The following DOCK11 variants were observed in gnomAD, a reference collection of about 807,000 sequenced individuals.
The protein encoded by DOCK11 is dedicator of cytokinesis 11.
In DOCK11, 70 loss-of-function variants were observed where a neutral mutation model predicts 169.1. The ratio of observed to expected loss-of-function variants is 0.41; its 90% CI spans 0.34 to 0.51. The LOEUF (loss-of-function observed/expected upper bound fraction) is 0.51, where lower values mean the gene tolerates loss of function less well. Among genes scored for constraint, DOCK11 ranks in the 20% least tolerant of loss-of-function variants. DOCK11 has a pLI of 0.10. For synonymous variants in DOCK11, 529 were observed against 541.3 expected (o/e 0.98, Z 0.32); for missense variants, 1,166 against 1,538.8 (o/e 0.76, Z 4.05).
intron 1 of DOCK11, 35 bp downstream of exon 1, chrX:118,496,108 G>T: frequency 1.1e-6 from 1 of 927,455 alleles, no homozygotes; most frequent in South Asian, 4.0e-5. Context: ...CCCGGGGGAC[G>T]CGCTCCAGGC....
intron 28 of DOCK11, among the ~76,000 whole-genome samples, chrX:118,613,700 A>G (rs2014740302): frequency 8.9e-6 from 1 of 112,391 alleles, no homozygotes; most frequent in African/African-American, 3.2e-5. Context: ...ATGGCTGAGC[A>G]TGCTGGTGCC....
intron 1 of DOCK11, among the ~76,000 whole-genome samples, chrX:118,503,746 A>AT (rs1385659557): frequency 8.9e-6 from 1 of 111,768 alleles, no homozygotes; most frequent in African/African-American, 3.3e-5. Context: ...AAGAGCCAGG[A>AT]AAAGGCCAGG....
intron 10 of DOCK11, among the ~76,000 whole-genome samples, 153 bp downstream of exon 10, chrX:118,568,315 CAAAT>C (rs943673712): frequency 6.3e-5 from 6 of 95,774 alleles, no homozygotes; most frequent in Non-Finnish European, 1.0e-4. Context: ...GGTAACTTAA[CAAAT>C]AACTCTTCAC....
At position 118,676,666 on chromosome X, in the gene DOCK11, T is replaced by C. The variant is rs768821484; in HGVS notation, c.5389T>C (p.Leu1797=). ...GCTCACTGGCCTCTCAGAAATTTCC[T>C]TGAGACTTGTTAAACTTTATGGTGA... is the stretch of plus-strand genomic sequence containing the variant. ...PKLTGLSEIS[L]RLVKLYGEKF... Residue 1797 remains leucine (L), a synonymous_variant, in exon 48 of 53, where the codon TTG becomes CTG. Coordinates refer to ENST00000276202, the MANE Select transcript of DOCK11 (RefSeq NM_144658.4). The C allele has an allele frequency of 1.7e-5, 21 of 1,205,866 alleles. No individual in the cohort carries two copies. The highest frequency in any genetic ancestry group is 4.4e-5 in the Admixed American group (2 of 45,947).
At chrX:118,671,689 T>A (rs760988452) in intron 46 of DOCK11, among the ~76,000 whole-genome samples, 2 of 106,311 alleles carry the variant, frequency 1.9e-5, no homozygotes, top group South Asian at 4.3e-4. Context: ...AAAAAAAAAA[T>A]TTTTTTTTGA....
intron 23 of DOCK11, among the ~76,000 whole-genome samples, chrX:118,602,783 C>T (rs1267591266): frequency 8.9e-6 from 1 of 111,917 alleles, no homozygotes; most frequent in Non-Finnish European, 1.9e-5. Context: ...TCAAGTAATC[C>T]GCCTACCTCA....
chrX:118,504,215 C>G (rs1014798565), intron 1 of DOCK11, among the ~76,000 whole-genome samples: 25 of 110,668 alleles, frequency 2.3e-4, no homozygotes, highest in African/African-American at 8.2e-4. Flanking sequence ...CTGGGTTCGA[C>G]AAGGTTAAAT....
At chrX:118,576,173 C>G (rs1489744770) in intron 12 of DOCK11, among the ~76,000 whole-genome samples, 1 of 111,819 alleles carries the variant, frequency 8.9e-6, no homozygotes, top group East Asian at 2.8e-4. Flanking sequence ...ATATATAACC[C>G]TAGCACATGC....
At chrX:118,626,475 C>T (rs762855772) in intron 32 of DOCK11, among the ~76,000 whole-genome samples, 2 of 111,859 alleles carry the variant, frequency 1.8e-5, no homozygotes, top group South Asian at 7.5e-4. Flanking sequence ...TATAGTCTGC[C>T]CAGTGGACTG....
chrX:118,500,004 T>G (rs1213406128), intron 1 of DOCK11, among the ~76,000 whole-genome samples: 8 of 111,161 alleles, frequency 7.2e-5, no homozygotes, highest in Non-Finnish European at 7.5e-5. Context: ...GATTGAGTCT[T>G]TTTCTATTCT....
intron 40 of DOCK11, among the ~76,000 whole-genome samples, chrX:118,648,045 AAT>A (rs777122043): frequency 2.0e-5 from 1 of 50,816 alleles, no homozygotes; most frequent in African/African-American, 9.4e-5. Context: ...ATAATAATAT[AAT>A]ATATAATATA....
intron 44 of DOCK11, among the ~76,000 whole-genome samples, chrX:118,655,868 G>A (rs1191394254): frequency 1.8e-5 from 2 of 112,136 alleles, no homozygotes; most frequent in African/African-American, 6.5e-5. Flanking sequence ...TCAGCTGTAC[G>A]AACACAACCA....
intron 31 of DOCK11, among the ~76,000 whole-genome samples, chrX:118,619,881 G>C (rs977324083): frequency 9.3e-6 from 1 of 107,078 alleles, no homozygotes; most frequent in Non-Finnish European, 1.9e-5. Context: ...GCAGTGGTGC[G>C]ATCTCGGCTC....
At chrX:118,643,112 C>T (rs1419969293) in intron 39 of DOCK11, among the ~76,000 whole-genome samples, 3 of 111,206 alleles carry the variant, frequency 2.7e-5, no homozygotes, top group Non-Finnish European at 5.7e-5. Context: ...AATACAAAGG[C>T]TGATTTGCTT....
At chrX:118,635,597 A>AT (rs1291770986) in intron 35 of DOCK11, among the ~76,000 whole-genome samples, 2 of 110,791 alleles carry the variant, frequency 1.8e-5, no homozygotes, top group Admixed American at 9.6e-5. Context: ...TATTTTTATT[A>AT]TTTTTTTTGA....
At chrX:118,579,811 A>G (rs1208441629) in intron 13 of DOCK11, among the ~76,000 whole-genome samples, 1 of 111,731 alleles carries the variant, frequency 9.0e-6, no homozygotes, top group Non-Finnish European at 1.9e-5. Context: ...ACCACTGAAC[A>G]TTTTTCCAGT....
intron 40 of DOCK11, among the ~76,000 whole-genome samples, chrX:118,648,023 T>TATATAATAATA (rs1170459757): frequency 2.4e-4 from 7 of 29,352 alleles, no homozygotes; most frequent in Non-Finnish European, 3.9e-4. Flanking sequence ...ATAATATAAA[T>TATATAATAATA]TATAATATTA....
At chrX:118,527,051 A>G (rs1269081017) in intron 1 of DOCK11, among the ~76,000 whole-genome samples, 1 of 112,204 alleles carries the variant, frequency 8.9e-6, no homozygotes, top group African/African-American at 3.2e-5. Flanking sequence ...TCATTGCTCT[A>G]AAACCCAGGA....
At chrX:118,647,808 T>TATATA (rs2015769778) in intron 40 of DOCK11, among the ~76,000 whole-genome samples, 1 of 50,746 alleles carries the variant, frequency 2.0e-5, no homozygotes, top group Admixed American at 4.0e-4. Flanking sequence ...TATATAATAA[T>TATATA]ATATATTATA....
Sources: allele counts gnomAD v4.1 joint callset (sites outside exome capture counted in the v4.1 genomes callset), GRCh38; gene constraint gnomAD v4.1.1; transcripts MANE v1.5; gene names NCBI Gene and HGNC (gene_info 2026-07-23, HGNC 2026-07-21).